Variants in MRTO4 observed in about 807,000 individuals in gnomAD.
MRTO4 encodes the protein MRT4 homolog, ribosome maturation factor.
A neutral mutation model predicts 28.6 loss-of-function variants in MRTO4; 7 were observed. That is an observed-to-expected ratio of 0.24 (90% CI 0.14 to 0.46). MRTO4 has a LOEUF of 0.46. Ranked by LOEUF, MRTO4 falls within the 20% of genes least tolerant of loss-of-function variation. MRTO4 has a pLI of 0.99. For missense variants in MRTO4, 302 were observed against 298.3 expected, an observed-to-expected ratio of 1.01 and a Z score of -0.09; for synonymous variants, 113 against 108.2, an observed-to-expected ratio of 1.04 and a Z score of -0.27.
At position 19,259,085 on chromosome 1, in the gene MRTO4, A is replaced by C. The variant is rs1569604295; in HGVS notation, c.*255A>C. On this transcript the variant is annotated 3_prime_UTR_variant, in exon 8 of 8. Coordinates refer to ENST00000330263, the MANE Select transcript of MRTO4 (RefSeq NM_016183.4). ...AGACCATCCTGGCTAACACGGTGAA[A>C]CCCCGTCTCTACTAAAAATAGAAAA... is the stretch of plus-strand genomic sequence containing the variant. The C allele has an allele frequency of 2.9e-6, 1 of 340,434 alleles. No homozygotes were observed. The highest frequency in any genetic ancestry group is 6.4e-5 in the South Asian group (1 of 15,558). The allele number at this position is 340,434 out of a possible 1,614,324, so 21.1% of individuals were successfully genotyped here.
At chr1:19,252,818 GT>G (rs60915273) in intron 1 of MRTO4, among the ~76,000 whole-genome samples, 43,641 of 151,986 alleles carry the variant, frequency 0.29, 7,207 homozygotes, top group African/African-American at 0.46. Flanking sequence ...ACCCAGCTAG[GT>G]TTTTTTTGTT....
At chr1:19,254,704 C>A in intron 1 of MRTO4, 78 bp from the exon 2 acceptor site, 3 of 1,229,798 alleles carry the variant, frequency 2.4e-6, no homozygotes, top group Non-Finnish European at 3.6e-6. Flanking sequence ...GTGCTCTCTG[C>A]CAAAGGGGAG....
At chr1:19,258,370 C>T (rs1210859803) in intron 6 of MRTO4, 107 bp from the exon 7 acceptor site, 8 of 1,335,732 alleles carry the variant, frequency 6.0e-6, no homozygotes, top group South Asian at 1.2e-5. Context: ...GTGTTGGAGC[C>T]GTGGGGAGGG....
rs760511737 is a variant in MRTO4 at position 19,257,930 on chromosome 1, C to T, written c.439C>T (p.His147Tyr). 20 of 1,613,980 alleles carry T rather than the reference C, an allele frequency of 1.2e-5. No homozygotes were observed. Among genetic ancestry groups the T allele is most frequent in the Middle Eastern group, 3.3e-4 (2 of 6,080 alleles). Reference sequence around the variant, plus strand: ...TCCAGGGCCCCTGGAGCAGTTCCCCCACTCCATGGAGCCACAGCTCAGGCA... The same window carrying T: ...TCCAGGGCCCCTGGAGCAGTTCCCCTACTCCATGGAGCCACAGCTCAGGCA... ...LDPGPLEQFP[H>Y]SMEPQLRQLG... The change falls in exon 6 of 8, where the codon CAC becomes TAC. Residue 147 changes from histidine to tyrosine, a missense_variant. Coordinates refer to ENST00000330263, the MANE Select transcript of MRTO4 (RefSeq NM_016183.4).
In MRTO4 at chr1:19,258,551, C is replaced by T. The variant is rs2093675103; in HGVS notation, c.568C>T (p.Leu190=). ...DVLTPEQARV[L]KLFGYEMAEF... is the part of the protein sequence containing the mutation. ...GCTGACCCCAGAGCAGGCTCGCGTCCTGGTGAGTCTGGCGCCTTGCGGGCT... is the reference window on the plus strand; with the variant it reads ...GCTGACCCCAGAGCAGGCTCGCGTCTTGGTGAGTCTGGCGCCTTGCGGGCT... Residue 190 remains leucine (L), a splice_region_variant and synonymous_variant, in exon 7 of 8, where the codon CTG becomes TTG. Transcript: ENST00000330263. 1.2e-6 allele frequency: 2 copies of T among 1,614,098 alleles called. No individual in the cohort carries two copies. Among genetic ancestry groups the T allele is most frequent in the Non-Finnish European group, 8.5e-7 (1 of 1,180,046 alleles).
At chr1:19,258,309 G>C (rs189049034) in intron 6 of MRTO4, among the ~76,000 whole-genome samples, 168 bp from the exon 7 acceptor site, 1 of 152,158 alleles carries the variant, frequency 6.6e-6, no homozygotes, top group African/African-American at 2.4e-5. Context: ...CCAGGAGGTC[G>C]AGGCTGCGGC....
intron 1 of MRTO4, among the ~76,000 whole-genome samples, chr1:19,253,121 C>T (rs971408291): frequency 2.0e-5 from 3 of 152,156 alleles, no homozygotes; most frequent in African/African-American, 7.2e-5. Flanking sequence ...AAACATATTC[C>T]GCAAAATGCT....
chr1:19,258,345 G>A, intron 6 of MRTO4, 132 bp from the exon 7 acceptor site: 2 of 1,097,852 alleles, frequency 1.8e-6, no homozygotes, highest in Non-Finnish European at 2.7e-6. Flanking sequence ...CAGGGAGACA[G>A]CCACTGCCCA....
intron 2 of MRTO4, 92 bp downstream of exon 2, chr1:19,254,932 G>C: frequency 8.8e-7 from 1 of 1,137,740 alleles, no homozygotes; most frequent in Non-Finnish European, 1.2e-6. Flanking sequence ...GTTGGCCAGG[G>C]GAACATACTA....
At chr1:19,256,399 C>T (rs2093671547) in intron 3 of MRTO4, among the ~76,000 whole-genome samples, 3 of 152,102 alleles carry the variant, frequency 2.0e-5, no homozygotes, top group African/African-American at 7.2e-5. Context: ...ACCTATAATC[C>T]CAGCTACTCA....
intron 1 of MRTO4, among the ~76,000 whole-genome samples, chr1:19,253,676 C>T (rs1161344963): frequency 3.3e-5 from 5 of 152,170 alleles, no homozygotes; most frequent in African/African-American, 1.2e-4. Context: ...TTTCGTTTGC[C>T]CTCCTCTGCT....
At chr1:19,252,168 G>A in intron 1 of MRTO4, 1 of 439,922 alleles carries the variant, frequency 2.3e-6, no homozygotes, top group Non-Finnish European at 4.1e-6. Flanking sequence ...TGCCGTTTCG[G>A]CCCACTTTTC....
chr1:19,252,069 G>C, intron 1 of MRTO4: 1 of 714,686 alleles, frequency 1.4e-6, no homozygotes, highest in East Asian at 2.9e-5. Flanking sequence ...TCTGGGGAGC[G>C]GAGACTCGTT....
rs2093673162 is a variant in MRTO4, at chr1:19,257,469, A to C, written c.289A>C (p.Arg97=). The C allele has an allele frequency of 6.2e-7, 1 of 1,614,230 alleles. No individual in the cohort carries two copies. Among genetic ancestry groups the C allele is most frequent in the Admixed American group, 1.7e-5 (1 of 60,028 alleles). The part of the protein sequence containing the change: ...DNLHQVSKRL[R]GEVGLLFTNR... ...TGATTTGTAGGTCAGCAAAAGGTTG[A>C]GGGGTGAGGTGGGTCTCCTGTTCAC... is the stretch of plus-strand genomic sequence containing the variant. Residue 97 remains arginine (R), a synonymous_variant, in exon 5 of 8, where the codon AGG becomes CGG. Transcript: ENST00000330263.
chr1:19,255,906 A>G (rs759514692), intron 2 of MRTO4, 42 bp from the exon 3 acceptor site: 2 of 1,543,122 alleles, frequency 1.3e-6, no homozygotes, highest in Admixed American at 1.7e-5. Context: ...TGCCCGTTGT[A>G]TGCTGCTGCT....
In MRTO4 at chr1:19,257,830, T is replaced by G; in HGVS notation, c.342-3T>G. On this transcript the variant is annotated splice_region_variant and splice_polypyrimidine_tract_variant and intron_variant, in intron 5 of 7. Coordinates refer to ENST00000330263, the MANE Select transcript of MRTO4 (RefSeq NM_016183.4). ...TCCTCCTACCACTTCTCTTTTCCCT[T>G]AGGTGGTTCACGAAATACACAGAAA... 8 of 1,612,408 alleles carry G rather than the reference T, an allele frequency of 5.0e-6. No homozygotes were observed. Among genetic ancestry groups the G allele is most frequent in the Admixed American group, 1.7e-5 (1 of 60,016 alleles).
At chr1:19,252,032 G>A (rs2093661869) in intron 1 of MRTO4, 169 bp downstream of exon 1, 10 of 971,260 alleles carry the variant, frequency 1.0e-5, no homozygotes, top group Non-Finnish European at 1.5e-5. Context: ...CTGTAAAACC[G>A]CCAGAGGTGG....
At chr1:19,252,117 T>C (rs1431109930) in intron 1 of MRTO4, 3 of 545,932 alleles carry the variant, frequency 5.5e-6, no homozygotes, top group East Asian at 6.4e-5. Context: ...GCCAACTGGG[T>C]CGGGAGGCAG....
At position 19,257,470 on chromosome 1, in the gene MRTO4, G is replaced by A; in HGVS notation, c.290G>A (p.Arg97Lys). The A allele has an allele frequency of 6.2e-7, 1 of 1,614,246 alleles. No homozygotes were observed. The highest frequency in any genetic ancestry group is 8.5e-7 in the Non-Finnish European group (1 of 1,180,038). ...DNLHQVSKRL[R>K]GEVGLLFTNR... is the part of the protein sequence containing the mutation. ...GATTTGTAGGTCAGCAAAAGGTTGA[G>A]GGGTGAGGTGGGTCTCCTGTTCACC... Residue 97 changes from arginine (R) to lysine (K), a missense_variant, in exon 5 of 8, where the codon AGG (arginine) becomes AAG (lysine). Coordinates refer to ENST00000330263, the MANE Select transcript of MRTO4 (RefSeq NM_016183.4).
Sources: gnomAD v4.1 joint callset for allele counts (sites outside exome capture counted in the v4.1 genomes callset) on GRCh38, gnomAD v4.1.1 for gene constraint, MANE v1.5 for transcripts, NCBI Gene and HGNC (gene_info 2026-07-23, HGNC 2026-07-21) for gene names.